Variants in SLC1A2 observed in about 807,000 individuals in gnomAD.
The protein encoded by SLC1A2 is solute carrier family 1 member 2.
A neutral mutation model predicts 48.8 loss-of-function variants in SLC1A2; 15 were observed. The ratio of observed to expected loss-of-function variants is 0.31; its 90% CI spans 0.21 to 0.47. The LOEUF (loss-of-function observed/expected upper bound fraction) is 0.47. Ranked by LOEUF, SLC1A2 falls within the 20% of genes least tolerant of loss-of-function variation. The pLI, the probability that SLC1A2 is intolerant of heterozygous loss-of-function variation, is 0.99. For missense variants in SLC1A2, 502 were observed against 730.5 expected (o/e 0.69, Z 3.61); for synonymous variants, 279 against 272.6 (o/e 1.02, Z -0.23).
intron 9 of SLC1A2, among the ~76,000 whole-genome samples, chr11:35,266,269 T>C (rs1033191218): frequency 6.6e-6 from 1 of 152,198 alleles, no homozygotes; most frequent in African/African-American, 2.4e-5. Flanking sequence ...AGTCATTCTT[T>C]TTGTAAGAAT....
intron 1 of SLC1A2, among the ~76,000 whole-genome samples, chr11:35,345,725 AT>A (rs2135056563): frequency 6.6e-6 from 1 of 152,352 alleles, no homozygotes; most frequent in African/African-American, 2.4e-5. Context: ...AGGTAAAGAA[AT>A]AGTTTTACAA....
intron 1 of SLC1A2, among the ~76,000 whole-genome samples, chr11:35,385,946 T>A (rs1367137495): frequency 6.6e-6 from 1 of 152,046 alleles, no homozygotes; most frequent in East Asian, 1.9e-4. Flanking sequence ...GGCGGGTGGA[T>A]CACGAGGTCA....
chr11:35,376,888 C>T (rs994963443), intron 1 of SLC1A2, among the ~76,000 whole-genome samples: 3 of 152,224 alleles, frequency 2.0e-5, no homozygotes, highest in African/African-American at 7.2e-5. Flanking sequence ...AACCCCTGCA[C>T]ATTGATGGAA....
chr11:35,411,075 T>A (rs562582493), intron 1 of SLC1A2, among the ~76,000 whole-genome samples: 1 of 152,214 alleles, frequency 6.6e-6, no homozygotes, highest in East Asian at 1.9e-4. Flanking sequence ...TAAAAATCAA[T>A]AATCCTTCAA....
intron 6 of SLC1A2, among the ~76,000 whole-genome samples, chr11:35,294,270 G>T (rs985698028): frequency 6.6e-6 from 1 of 152,164 alleles, no homozygotes; most frequent in Non-Finnish European, 1.5e-5. Flanking sequence ...ACTAACATTA[G>T]CATAGCTGCT....
At chr11:35,364,038 T>C (rs955778901) in intron 1 of SLC1A2, among the ~76,000 whole-genome samples, 1 of 152,128 alleles carries the variant, frequency 6.6e-6, no homozygotes, top group African/African-American at 2.4e-5. Context: ...ATTGCTGCCA[T>C]CCCATGCACA....
At chr11:35,317,253 G>T in intron 2 of SLC1A2, 124 bp downstream of exon 2, 4 of 959,332 alleles carry the variant, frequency 4.2e-6, no homozygotes, top group Non-Finnish European at 4.7e-6. Context: ...GGCAGACAGG[G>T]CCCTAGGCAA....
chr11:35,312,476 T>C, intron 3 of SLC1A2, 28 bp from the exon 4 acceptor site: 1 of 1,611,986 alleles, frequency 6.2e-7, no homozygotes, highest in Non-Finnish European at 8.5e-7. Flanking sequence ...GCAGAAGGAT[T>C]AATTCTATTA....
chr11:35,271,362 G>T (rs150281814), intron 9 of SLC1A2, among the ~76,000 whole-genome samples: 1 of 152,320 alleles, frequency 6.6e-6, no homozygotes, highest in African/African-American at 2.4e-5. Context: ...GGATGCCACC[G>T]AGGTGCTTAA....
chr11:35,261,494 A>G (rs774149400), intron 10 of SLC1A2, among the ~76,000 whole-genome samples: 3 of 152,246 alleles, frequency 2.0e-5, no homozygotes, highest in Non-Finnish European at 4.4e-5. Context: ...AGTAGGGAGA[A>G]TTAAAAGTCT....
chr11:35,263,782 T>C (rs1341087335), intron 10 of SLC1A2, among the ~76,000 whole-genome samples: 1 of 152,238 alleles, frequency 6.6e-6, no homozygotes, highest in African/African-American at 2.4e-5. Context: ...CTTTTTGCTG[T>C]CCTCCAGTGC....
intron 1 of SLC1A2, among the ~76,000 whole-genome samples, chr11:35,411,227 C>A (rs1855450085): frequency 6.6e-6 from 1 of 152,166 alleles, no homozygotes; most frequent in African/African-American, 2.4e-5. Context: ...ATTTATTCTT[C>A]ACACCTTTTC....
At chr11:35,277,329 A>C (rs1850473342) in intron 9 of SLC1A2, among the ~76,000 whole-genome samples, 1 of 152,112 alleles carries the variant, frequency 6.6e-6, no homozygotes, top group Admixed American at 6.5e-5. Flanking sequence ...AAGTGTCCTG[A>C]CCTGGCCATA....
chr11:35,418,928 G>A, intron 1 of SLC1A2, 22 bp downstream of exon 1: 1 of 1,557,030 alleles, frequency 6.4e-7, no homozygotes, highest in Non-Finnish European at 8.7e-7. Flanking sequence ...TTTCCCGCGG[G>A]TACAGATAAA....
chr11:35,399,661 G>T, intron 1 of SLC1A2: 1 of 935,374 alleles, frequency 1.1e-6, no homozygotes, highest in Non-Finnish European at 1.3e-6. Flanking sequence ...CAAAATAGAG[G>T]GGATATTCAG....
At chr11:35,338,445 A>T (rs1852714246) in intron 1 of SLC1A2, among the ~76,000 whole-genome samples, 1 of 152,120 alleles carries the variant, frequency 6.6e-6, no homozygotes, top group Admixed American at 6.5e-5. Flanking sequence ...AGGACTGGTG[A>T]ATCAGGATAC....
chr11:35,397,629 C>T (rs566213923), intron 1 of SLC1A2, among the ~76,000 whole-genome samples: 3 of 152,288 alleles, frequency 2.0e-5, no homozygotes, highest in Admixed American at 2.0e-4. Context: ...AAATCCTCAC[C>T]CCCATGGTGA....
intron 8 of SLC1A2, chr11:35,281,813 A>G (rs12146523): frequency 0.23 from 35,290 of 151,896 alleles, 4,282 homozygotes; most frequent in Admixed American, 0.29. Context: ...CCTCTTTTCT[A>G]GATGCCATTT....
At chr11:35,376,506 T>C (rs1228376621) in intron 1 of SLC1A2, among the ~76,000 whole-genome samples, 2 of 152,208 alleles carry the variant, frequency 1.3e-5, no homozygotes, top group Non-Finnish European at 2.9e-5. Flanking sequence ...AATTCTTCTA[T>C]AAGTCTAAAA....
Sources: gnomAD v4.1 joint callset for allele counts (sites outside exome capture counted in the v4.1 genomes callset) on GRCh38, gnomAD v4.1.1 for gene constraint, MANE v1.5 for transcripts, NCBI Gene and HGNC (gene_info 2026-07-23, HGNC 2026-07-21) for gene names.